The following PREX2 variants were observed in gnomAD, a reference collection of about 807,000 sequenced individuals.
The protein encoded by PREX2 is phosphatidylinositol 3,4,5-trisphosphate-dependent Rac exchanger 2 protein.
In PREX2, 107 loss-of-function variants were observed where a neutral mutation model predicts 203.2. The ratio of observed to expected loss-of-function variants is 0.53; its 90% CI spans 0.45 to 0.62. PREX2 has a LOEUF of 0.62. PREX2 is among the 20% of genes least tolerant of loss of function. The pLI is 0.00. For missense variants in PREX2, 1,777 were observed against 1,955.9 expected (o/e 0.91, Z 1.72); for synonymous variants, 672 against 663.6 (o/e 1.01, Z -0.19).
At chr8:68,228,533 C>A (rs1167414096) in intron 39 of PREX2, among the ~76,000 whole-genome samples, 1 of 151,980 alleles carries the variant, frequency 6.6e-6, no homozygotes, top group Non-Finnish European at 1.5e-5. Context: ...GAGGCCGAGG[C>A]AGGCGGATCA....
intron 6 of PREX2, among the ~76,000 whole-genome samples, chr8:68,035,946 T>C (rs1808015752): frequency 6.6e-6 from 1 of 152,192 alleles, no homozygotes; most frequent in Admixed American, 6.5e-5. Flanking sequence ...CTGTCAGTGG[T>C]TGTGCTTGTC....
intron 1 of PREX2, among the ~76,000 whole-genome samples, chr8:67,990,656 C>T (rs1372248844): frequency 6.6e-6 from 1 of 151,868 alleles, no homozygotes; most frequent in Non-Finnish European, 1.5e-5. Flanking sequence ...ATTACAGGTG[C>T]CCGCCACCAT....
At chr8:67,984,185 T>A (rs1404449769) in intron 1 of PREX2, among the ~76,000 whole-genome samples, 1 of 152,230 alleles carries the variant, frequency 6.6e-6, no homozygotes, top group East Asian at 1.9e-4. Flanking sequence ...CCATCTTCTC[T>A]TCTACTTCTG....
chr8:68,184,798 G>A lies in PREX2; in HGVS notation c.4347-6924G>A, dbSNP rs549900313. Among the ~76,000 whole-genome samples the A allele has an allele frequency of 4.6e-5, 7 of 152,240 alleles. No homozygotes were observed. The East Asian group carries it at 1.4e-3, about 29-fold the overall frequency. On this transcript the variant is annotated intron_variant, in intron 35 of 39. Transcript: ENST00000288368. ...TGAGAAGAATGCCATTTTTGTCACT[G>A]ATTTAACCTCTGTATATTTCCTATG...
intron 35 of PREX2, among the ~76,000 whole-genome samples, chr8:68,178,147 G>C (rs1812018225): frequency 6.6e-6 from 1 of 152,154 alleles, no homozygotes; most frequent in South Asian, 2.1e-4. Flanking sequence ...ACCCAGTAAT[G>C]GGATTGCTGG....
At chr8:68,124,072 T>G (rs1281581161) in intron 30 of PREX2, among the ~76,000 whole-genome samples, 1 of 152,114 alleles carries the variant, frequency 6.6e-6, no homozygotes, top group Non-Finnish European at 1.5e-5. Context: ...CCTACCATGA[T>G]CAAGTAGTCT....
chr8:68,154,225 G>A (rs974146386), intron 34 of PREX2, among the ~76,000 whole-genome samples: 2 of 152,200 alleles, frequency 1.3e-5, no homozygotes, highest in African/African-American at 4.8e-5. Flanking sequence ...TGCATAATCA[G>A]TATCTCTTTG....
At chr8:68,224,505 G>A in intron 38 of PREX2, 54 bp from the exon 39 acceptor site, 1 of 1,355,532 alleles carries the variant, frequency 7.4e-7, no homozygotes, top group Admixed American at 1.7e-5. Flanking sequence ...TTAATGGTAT[G>A]TTAAATTATT....
rs1015934953 is a variant in PREX2 at position 68,157,357 on chromosome 8, A to G, written c.4267A>G (p.Asn1423Asp). Residue 1423 changes from asparagine (N) to aspartate (D), a missense_variant, in exon 35 of 40, where the codon AAT becomes GAT. Asn to Asp is a conservative substitution (Grantham distance 23). Coordinates refer to ENST00000288368, the MANE Select transcript of PREX2 (RefSeq NM_024870.4). ...CATGGAAGGATATTATTACAGAGAC[A>G]ATGTTTCTGTGGAAGAATTTCAAGC... Reference protein sequence around the residue: ...ESMEGYYYRDNVSVEEFQAQI... With the variant: ...ESMEGYYYRDDVSVEEFQAQI... 6.2e-7 allele frequency: 1 copy of G among 1,612,026 alleles called. No homozygotes were observed. The highest frequency in any genetic ancestry group is 8.5e-7 in the Non-Finnish European group (1 of 1,178,368).
chr8:68,034,212 C>T (rs914254430), intron 6 of PREX2, among the ~76,000 whole-genome samples: 3 of 152,036 alleles, frequency 2.0e-5, no homozygotes, highest in East Asian at 1.9e-4. Flanking sequence ...TATTATATCT[C>T]GGTCATATAA....
At chr8:68,087,091 C>A (rs1809715411) in intron 18 of PREX2, among the ~76,000 whole-genome samples, 1 of 152,132 alleles carries the variant, frequency 6.6e-6, no homozygotes, top group Admixed American at 6.6e-5. Flanking sequence ...CAGTACAGGG[C>A]AACTTACCAA....
intron 1 of PREX2, 150 bp from the exon 2 acceptor site, chr8:68,017,696 A>G: frequency 1.6e-6 from 1 of 618,824 alleles, no homozygotes. Context: ...GCAATGCACA[A>G]GGGTTTCTGT....
chr8:67,976,506 GGACA>G (rs1203085250), intron 1 of PREX2, among the ~76,000 whole-genome samples: 3 of 57,104 alleles, frequency 5.3e-5, no homozygotes, highest in Admixed American at 4.4e-4. Context: ...ACAGAGAGAG[GGACA>G]GACAGAGACA....
intron 39 of PREX2, among the ~76,000 whole-genome samples, chr8:68,227,047 T>C (rs1475732123): frequency 3.9e-5 from 6 of 152,056 alleles, no homozygotes; most frequent in African/African-American, 1.4e-4. Context: ...TCAGAGAGAC[T>C]TGTAGGAGTA....
chr8:68,013,710 CT>C (rs556268094), intron 1 of PREX2, among the ~76,000 whole-genome samples: 142 of 152,188 alleles, frequency 9.3e-4, no homozygotes, highest in Non-Finnish European at 1.5e-3. Context: ...TTAGCACAGT[CT>C]TTTTTCCTGC....
At chr8:68,026,375 C>T (rs768849363) in intron 4 of PREX2, among the ~76,000 whole-genome samples, 6 of 152,046 alleles carry the variant, frequency 3.9e-5, no homozygotes, top group Non-Finnish European at 8.8e-5. Flanking sequence ...AAGTTGCTAA[C>T]TTAGTTTGAT....
At chr8:68,048,997 A>G (rs1377263542) in intron 8 of PREX2, among the ~76,000 whole-genome samples, 1 of 151,788 alleles carries the variant, frequency 6.6e-6, no homozygotes, top group African/African-American at 2.4e-5. Flanking sequence ...TAAGAATGTA[A>G]TAGTTTTTTT....
At chr8:68,002,959 A>T (rs1016497275) in intron 1 of PREX2, among the ~76,000 whole-genome samples, 1 of 152,178 alleles carries the variant, frequency 6.6e-6, no homozygotes, top group Non-Finnish European at 1.5e-5. Flanking sequence ...TCAATATTGT[A>T]CAGGGGACAG....
At chr8:68,119,642 C>T (rs924424756) in intron 28 of PREX2, 128 bp downstream of exon 28, 1 of 666,576 alleles carries the variant, frequency 1.5e-6, no homozygotes, top group Non-Finnish European at 2.7e-6. Context: ...CCTCCTTTAC[C>T]TCAATTTCTG....
Sources: gnomAD v4.1 joint callset for allele counts (sites outside exome capture counted in the v4.1 genomes callset) on GRCh38, gnomAD v4.1.1 for gene constraint, MANE v1.5 for transcripts, NCBI Gene and HGNC (gene_info 2026-07-23, HGNC 2026-07-21) for gene names.